Variants in CKMT1A observed in about 807,000 individuals in gnomAD.
The protein encoded by CKMT1A is creatine kinase, mitochondrial 1A, also known as creatine kinase U-type, mitochondrial.
Under a neutral mutation model 21.8 loss-of-function variants are expected in CKMT1A, and 23 were observed. The observed-to-expected ratio is 1.05, with a 90% CI of 0.76 to 1.49. The LOEUF is 1.49. Among genes scored for constraint, CKMT1A ranks in the 40% most tolerant of loss-of-function variants. The pLI, the probability that CKMT1A is intolerant of heterozygous loss-of-function variation, is 0.00. For synonymous variants in CKMT1A, 67 were observed against 80.4 expected (o/e 0.83, Z 0.89); for missense variants, 154 against 229.4 (o/e 0.67, Z 2.12).
Position 43,696,097 on chromosome 15 carries a change from G to C in CKMT1A, c.725G>C (p.Arg242Pro), listed in dbSNP as rs752357528. ...TTGCTGACTGCAGCAGGAATGGCTC[G>C]AGACTGGCCAGATGCTCGTGGAATT... ...SPLLTAAGMA[R>P]DWPDARGIWH... Residue 242 changes from arginine to proline, a missense_variant, in exon 5 of 9, where the codon CGA becomes CCA. By Grantham distance (103) the Arg-to-Pro change is moderately radical (BLOSUM62 -2). Transcript: ENST00000413453. 2.9e-6 allele frequency: 2 copies of C among 683,468 alleles called. No homozygotes were observed. Among genetic ancestry groups the C allele is most frequent in the Non-Finnish European group, 4.6e-6 (2 of 439,066 alleles). 42.3% of individuals were successfully genotyped at this position (683,468 alleles called of 1,614,324 possible). A position where few individuals can be genotyped will look rare whatever the true frequency, so the allele number is the denominator to read the frequency against.
intron 6 of CKMT1A, chr15:43,696,576 TG>T (rs1304552423): frequency 2.7e-6 from 2 of 734,838 alleles, no homozygotes; most frequent in African/African-American, 3.6e-5. Flanking sequence ...AGGAAAAGAG[TG>T]TCAGGAACCT....
chr15:43,698,380 T>C (rs2086483239), intron 7 of CKMT1A, among the ~76,000 whole-genome samples: 1 of 151,580 alleles, frequency 6.6e-6, no homozygotes, highest in South Asian at 2.1e-4. Flanking sequence ...AAACCCCATC[T>C]CTACTACAAA....
At chr15:43,697,398 G>C (rs904224499) in intron 6 of CKMT1A, 2 of 984,872 alleles carry the variant, frequency 2.0e-6, no homozygotes, top group Non-Finnish European at 2.4e-6. Flanking sequence ...TGGTCTTTGT[G>C]ATCATCACTC....
Position 43,697,554 on chromosome 15 carries a change from C to T in CKMT1A, c.877-460C>T, listed in dbSNP as rs932024429. The T allele has an allele frequency of 1.2e-5, 12 of 984,550 alleles. No individual in the cohort carries two copies. In the African/African-American group the frequency reaches 1.9e-4, roughly 16 times the overall value. The allele number at this position is 984,550 out of a possible 1,614,324, so 61.0% of individuals were successfully genotyped here. On this transcript the variant is annotated intron_variant, in intron 6 of 8. Transcript: ENST00000413453. Reference sequence around the variant, plus strand: ...ATCTTTCTCTGCATTCACACAGGTGCTCCGTTCACAGCTAATAGAACGTTA... The same window carrying T: ...ATCTTTCTCTGCATTCACACAGGTGTTCCGTTCACAGCTAATAGAACGTTA...
chr15:43,697,989 A>G (rs2236740), intron 6 of CKMT1A, 25 bp from the exon 7 acceptor site: 26 of 1,613,468 alleles, frequency 1.6e-5, no homozygotes, highest in African/African-American at 2.7e-5. Context: ...CTGATTTTTC[A>G]TTAATAAAAA....
rs777747645 is a variant in CKMT1A, at chr15:43,698,686, C to T, written c.1057C>T (p.Arg353Cys). ...CCTGGAGAACCTAAGACTCCAAAAG[C>T]GTGGTACTGGAGGAGTGGACACTGC... ...KILENLRLQK[R>C]GTGGVDTAAT... The change falls in exon 8 of 9, where the codon CGT becomes TGT. Residue 353 changes from arginine to cysteine, a missense_variant. Arg to Cys is a radical substitution (Grantham distance 180). Transcript: ENST00000413453. 6 of 1,613,564 alleles carry T rather than the reference C, an allele frequency of 3.7e-6. No individual in the cohort carries two copies. The highest frequency in any genetic ancestry group is 2.2e-5 in the South Asian group (2 of 91,036).
chr15:43,698,985 C>T lies in CKMT1A; in HGVS notation c.1150C>T (p.Gln384Ter). 2 of 1,613,530 alleles carry T rather than the reference C, an allele frequency of 1.2e-6. No individual in the cohort carries two copies. Among genetic ancestry groups the T allele is most frequent in the Non-Finnish European group, 1.7e-6 (2 of 1,179,888 alleles). ...TAGTGTCCTTCAGGTGGAGCTGGTG[C>T]AACTGGTCATCGATGGAGTAAACTA... is the stretch of plus-strand genomic sequence containing the variant. ...RLGKSEVELV[Q>*]LVIDGVNYLI... The change falls in exon 9 of 9, where the codon CAA becomes TAA. Residue 384 changes from glutamine to a stop codon, truncating the protein, a stop_gained. Coordinates refer to ENST00000413453, the MANE Select transcript of CKMT1A (RefSeq NM_001321926.2). LOFTEE classifies it high-confidence loss of function.
intron 6 of CKMT1A, chr15:43,696,624 T>G: frequency 3.5e-6 from 2 of 571,058 alleles, no homozygotes. Flanking sequence ...AAAGAAGGAA[T>G]AACTGAGATG....
At position 43,698,035 on chromosome 15, in the gene CKMT1A, C is replaced by A; in HGVS notation, c.898C>A (p.Arg300Ser). 6.2e-7 allele frequency: 1 copy of A among 1,613,342 alleles called. No individual in the cohort carries two copies. The highest frequency in any genetic ancestry group is 1.1e-5 in the South Asian group (1 of 91,004). ...TCAGGTGGAGAGACTTATCCAAGAACGTGGCTGGGAGTTCATGTGGAATGA... is the reference window on the plus strand; with the variant it reads ...TCAGGTGGAGAGACTTATCCAAGAAAGTGGCTGGGAGTTCATGTGGAATGA... Reference protein sequence around the residue: ...LKEVERLIQERGWEFMWNERL... With the variant: ...LKEVERLIQESGWEFMWNERL... Residue 300 changes from arginine (R) to serine (S), a missense_variant, in exon 7 of 9, where the codon CGT (arginine) becomes AGT (serine). By Grantham distance (110) the Arg-to-Ser change is moderately radical. Coordinates refer to ENST00000413453, the MANE Select transcript of CKMT1A (RefSeq NM_001321926.2).
At chr15:43,697,941 G>A (rs1596001397) in intron 6 of CKMT1A, 73 bp from the exon 7 acceptor site, 1 of 1,589,340 alleles carries the variant, frequency 6.3e-7, no homozygotes, top group Non-Finnish European at 8.6e-7. Flanking sequence ...GTTCTTGTGG[G>A]TCTAGCTAAG....
chr15:43,696,229 C>T lies in CKMT1A; in HGVS notation c.753-11C>T. The T allele has an allele frequency of 6.4e-7, 1 of 1,564,790 alleles. No homozygotes were observed. Among genetic ancestry groups the T allele is most frequent in the Non-Finnish European group, 8.7e-7 (1 of 1,151,704 alleles). Reference sequence around the variant, plus strand: ...CTTGCCTCTTGATCACTGTCCCTCTCCGGCCCTCAGGCACAACAATGAGAA... The same window carrying T: ...CTTGCCTCTTGATCACTGTCCCTCTTCGGCCCTCAGGCACAACAATGAGAA... On this transcript the variant is annotated splice_polypyrimidine_tract_variant and intron_variant, in intron 5 of 8. Transcript: ENST00000413453.
chr15:43,696,365 T>A lies in CKMT1A; in HGVS notation c.876+2T>A. ...AGATTCTGCCGAGGCCTCAAAGAGG[T>A]TAGAGAAGATTGTGTAGGGGAGCTA... On this transcript the variant is annotated splice_donor_variant, in intron 6 of 8. Coordinates refer to ENST00000413453, the MANE Select transcript of CKMT1A (RefSeq NM_001321926.2). LOFTEE classifies it high-confidence loss of function. 6.2e-7 allele frequency: 1 copy of A among 1,610,548 alleles called. No homozygotes were observed. Among genetic ancestry groups the A allele is most frequent in the Non-Finnish European group, 8.5e-7 (1 of 1,179,006 alleles).
intron 4 of CKMT1A, 32 bp downstream of exon 4, chr15:43,695,941 G>A: frequency 3.2e-6 from 1 of 316,382 alleles, no homozygotes; most frequent in Non-Finnish European, 5.4e-6. Context: ...TGGTTGGTGG[G>A]AGCAGATGGG....
Position 43,698,639 on chromosome 15 carries a change from A to G in CKMT1A, c.1012-2A>G. The G allele has an allele frequency of 6.2e-7, 1 of 1,612,272 alleles. No individual in the cohort carries two copies. Among genetic ancestry groups the G allele is most frequent in the Non-Finnish European group, 8.5e-7 (1 of 1,179,088 alleles). ...TGCTCCCAATCCCTATCTCCTCTCT[A>G]GGATAGCCGCTTCCCAAAGATCCTG... On this transcript the variant is annotated splice_acceptor_variant, in intron 7 of 8. Transcript: ENST00000413453. LOFTEE classifies it high-confidence loss of function.
chr15:43,696,183 T>C (rs113878606), intron 5 of CKMT1A, 57 bp from the exon 6 acceptor site: 1 of 1,405,914 alleles, frequency 7.1e-7, no homozygotes, highest in Non-Finnish European at 9.7e-7. Flanking sequence ...TTTTTTTCCC[T>C]CTATCTCTCC....
chr15:43,698,288 C>G (rs987451859), intron 7 of CKMT1A, 140 bp downstream of exon 7: 12 of 1,264,256 alleles, frequency 9.5e-6, no homozygotes, highest in Non-Finnish European at 1.3e-5. Flanking sequence ...GTGGCTCATG[C>G]CTCTAATCCC....
chr15:43,698,966 C>G lies in CKMT1A; in HGVS notation c.1138-7C>G. ...GGAAGCAGAGATCAAAGATTAGTGTCCTTCAGGTGGAGCTGGTGCAACTGG... is the reference window on the plus strand; with the variant it reads ...GGAAGCAGAGATCAAAGATTAGTGTGCTTCAGGTGGAGCTGGTGCAACTGG... On this transcript the variant is annotated splice_region_variant and splice_polypyrimidine_tract_variant and intron_variant, in intron 8 of 8. Coordinates refer to ENST00000413453, the MANE Select transcript of CKMT1A (RefSeq NM_001321926.2). 6.2e-7 allele frequency: 1 copy of G among 1,613,522 alleles called. No individual in the cohort carries two copies. The highest frequency in any genetic ancestry group is 8.5e-7 in the Non-Finnish European group (1 of 1,179,856).
At chr15:43,696,437 G>A (rs1458199198) in intron 6 of CKMT1A, 74 bp downstream of exon 6, 1 of 1,603,658 alleles carries the variant, frequency 6.2e-7, no homozygotes, top group East Asian at 2.2e-5. Flanking sequence ...AATAGATTAT[G>A]TAATTTATCA....
Position 43,699,078 on chromosome 15 carries a change from A to C in CKMT1A, c.1243A>C (p.Thr415Pro). The C allele has an allele frequency of 6.2e-7, 1 of 1,613,466 alleles. No individual in the cohort carries two copies. Among genetic ancestry groups the C allele is most frequent in the Non-Finnish European group, 8.5e-7 (1 of 1,179,870 alleles). The stretch of plus-strand genomic sequence containing the variant: ...CCGCATCCCCACACCTGTCATCCAC[A>C]CCAAGCATTAACTCCCCATCGCCAG... Reference protein sequence around the residue: ...DIRIPTPVIHTKH With the variant: ...DIRIPTPVIHPKH Residue 415 changes from threonine (T) to proline (P), a missense_variant, in exon 9 of 9, where the codon ACC (threonine) becomes CCC (proline). Thr to Pro is a conservative substitution (Grantham distance 38, BLOSUM62 -1). Transcript: ENST00000413453.
Sources: allele counts gnomAD v4.1 joint callset (sites outside exome capture counted in the v4.1 genomes callset), GRCh38; gene constraint gnomAD v4.1.1; transcripts MANE v1.5; gene names NCBI Gene and HGNC (gene_info 2026-07-23, HGNC 2026-07-21).